APLF: variants seen among roughly 807,000 people sequenced by gnomAD.
The protein encoded by APLF is aprataxin and PNK-like factor.
In APLF, 61 loss-of-function variants were observed where a neutral mutation model predicts 55.6. That is an observed-to-expected ratio of 1.10 (90% CI 0.89 to 1.36). APLF has a LOEUF of 1.36. Ranked by LOEUF, APLF falls within the 40% of genes most tolerant of loss-of-function variation. APLF has a pLI of 0.00. For synonymous variants in APLF, 207 were observed against 214.8 expected, an observed-to-expected ratio of 0.96 and a Z score of 0.32; for missense variants, 611 against 602.5, an observed-to-expected ratio of 1.01 and a Z score of -0.15.
At chr2:68,519,674 A>G (rs1669834734) in intron 5 of APLF, among the ~76,000 whole-genome samples, 1 of 150,044 alleles carries the variant, frequency 6.7e-6, no homozygotes, top group African/African-American at 2.4e-5. Context: ...ATATATAAAT[A>G]TATGTATATA....
intron 3 of APLF, among the ~76,000 whole-genome samples, 171 bp downstream of exon 3, chr2:68,503,074 T>G (rs902793001): frequency 6.6e-6 from 1 of 152,158 alleles, no homozygotes; most frequent in Non-Finnish European, 1.5e-5. Context: ...GTGTGTTTTG[T>G]GCACATGCAT....
chr2:68,492,445 TCCAGC>T (rs1676401747), intron 2 of APLF, among the ~76,000 whole-genome samples: 1 of 152,050 alleles, frequency 6.6e-6, no homozygotes, highest in Admixed American at 6.6e-5. Flanking sequence ...GCCACTGCAC[TCCAGC>T]CTGGGCGACA....
intron 1 of APLF, among the ~76,000 whole-genome samples, chr2:68,477,711 A>G (rs2103881324): frequency 6.6e-6 from 1 of 152,326 alleles, no homozygotes; most frequent in Admixed American, 6.5e-5. Flanking sequence ...AAGAAGCTTA[A>G]TAGACTCACA....
chr2:68,479,334 A>G (rs1399959015), intron 1 of APLF, among the ~76,000 whole-genome samples: 1 of 152,234 alleles, frequency 6.6e-6, no homozygotes, highest in African/African-American at 2.4e-5. Flanking sequence ...TGCTGAAGGA[A>G]ACTGTCCAGA....
intron 1 of APLF, among the ~76,000 whole-genome samples, chr2:68,486,628 T>C (rs963876841): frequency 3.9e-5 from 6 of 152,152 alleles, no homozygotes; most frequent in Non-Finnish European, 8.8e-5. Flanking sequence ...CTCTCTTACA[T>C]GTAAGTTAAA....
intron 9 of APLF, among the ~76,000 whole-genome samples, chr2:68,574,968 G>C (rs1233763038): frequency 6.6e-6 from 1 of 152,206 alleles, no homozygotes; most frequent in African/African-American, 2.4e-5. Context: ...GCTCCCACAT[G>C]TTAAGCGCTG....
At chr2:68,537,042 GTAATCCCAGCTAC>G (rs1670411007) in intron 6 of APLF, among the ~76,000 whole-genome samples, 1 of 151,918 alleles carries the variant, frequency 6.6e-6, no homozygotes, top group Admixed American at 6.6e-5. Context: ...GCATGTGCCT[GTAATCCCAGCTAC>G]TCGGGAGCCT....
At chr2:68,574,572 G>A (rs550723015) in intron 9 of APLF, among the ~76,000 whole-genome samples, 40 of 152,292 alleles carry the variant, frequency 2.6e-4, no homozygotes, top group Middle Eastern at 3.4e-3. Flanking sequence ...TACTAGCCAC[G>A]TTGAATTCTG....
intron 1 of APLF, among the ~76,000 whole-genome samples, chr2:68,489,273 T>A (rs1676281521): frequency 6.6e-6 from 1 of 152,226 alleles, no homozygotes; most frequent in Admixed American, 6.5e-5. Context: ...TGGTATGGTC[T>A]ATTTTTTACT....
At chr2:68,469,034 G>T (rs1237341150) in intron 1 of APLF, among the ~76,000 whole-genome samples, 2 of 150,926 alleles carry the variant, frequency 1.3e-5, no homozygotes, top group African/African-American at 4.9e-5. Context: ...TGTGTTGTGT[G>T]TTGTGTACAT....
rs1386449499 is a variant in APLF, at chr2:68,545,298, A to C, written c.1272A>C (p.Gly424=). 1.9e-6 allele frequency: 3 copies of C among 1,613,466 alleles called. No homozygotes were observed. The highest frequency in any genetic ancestry group is 2.5e-6 in the Non-Finnish European group (3 of 1,179,680). ...ATGACCGGCCTGAATGTCCCTATGG[A>C]CCATCCTGTTATAGGTATAGAAACT... ...ETDDRPECPY[G]PSCYRKNPQH... The change falls in exon 8 of 10, where the codon GGA becomes GGC. Residue 424 remains glycine, a synonymous_variant. Coordinates refer to ENST00000303795, the MANE Select transcript of APLF (RefSeq NM_173545.3).
At chr2:68,544,891 A>G (rs527345248) in intron 7 of APLF, among the ~76,000 whole-genome samples, 2 of 152,310 alleles carry the variant, frequency 1.3e-5, no homozygotes, top group South Asian at 2.1e-4. Context: ...ATATGCTTAC[A>G]TACATATGTG....
chr2:68,491,957 A>T (rs1446262851), intron 2 of APLF, among the ~76,000 whole-genome samples: 1 of 152,254 alleles, frequency 6.6e-6, no homozygotes, highest in Non-Finnish European at 1.5e-5. Flanking sequence ...AACAAAATTG[A>T]CATGGCATTA....
At chr2:68,556,558 G>A (rs981718726) in intron 8 of APLF, among the ~76,000 whole-genome samples, 4 of 152,100 alleles carry the variant, frequency 2.6e-5, no homozygotes, top group African/African-American at 9.7e-5. Context: ...ATGAATAATA[G>A]GATTTTATGC....
intron 2 of APLF, among the ~76,000 whole-genome samples, chr2:68,497,088 A>T (rs1424007778): frequency 4.6e-5 from 7 of 152,282 alleles, no homozygotes; most frequent in African/African-American, 1.7e-4. Flanking sequence ...AGACTGGGTA[A>T]TTTATAAAAA....
intron 5 of APLF, among the ~76,000 whole-genome samples, chr2:68,517,737 T>A (rs1367364162): frequency 6.9e-6 from 1 of 145,288 alleles, no homozygotes; most frequent in East Asian, 2.1e-4. Context: ...ATATAACTAA[T>A]ATATCACTAA....
chr2:68,543,482 C>T (rs1670615304), intron 7 of APLF, among the ~76,000 whole-genome samples: 1 of 152,158 alleles, frequency 6.6e-6, no homozygotes, highest in African/African-American at 2.4e-5. Flanking sequence ...TGTTGAAAAA[C>T]TGGAACTCTA....
Position 68,502,716 on chromosome 2 carries a change from T to G in APLF, c.169-15T>G. On this transcript the variant is annotated splice_polypyrimidine_tract_variant and intron_variant, in intron 2 of 9. Coordinates refer to ENST00000303795, the MANE Select transcript of APLF (RefSeq NM_173545.3). ...TCTTTTTTAAATTTAATTATATTCT[T>G]TTTTAATTTGTTAGATACACACAAA... 1 of 1,378,092 alleles carries G rather than the reference T, an allele frequency of 7.3e-7. No individual in the cohort carries two copies. Among genetic ancestry groups the G allele is most frequent in the Non-Finnish European group, 9.5e-7 (1 of 1,049,294 alleles). 85.4% of individuals were successfully genotyped at this position (1,378,092 alleles called of 1,614,324 possible). A position where few individuals can be genotyped will look rare whatever the true frequency, so the allele number is the denominator to read the frequency against.
At chr2:68,528,549 C>T in intron 6 of APLF, 1 of 1,534,004 alleles carries the variant, frequency 6.5e-7, no homozygotes. Flanking sequence ...GATCCAAGAG[C>T]TGCAGGATCC....
Sources: allele counts gnomAD v4.1 joint callset (sites outside exome capture counted in the v4.1 genomes callset), GRCh38; gene constraint gnomAD v4.1.1; transcripts MANE v1.5; gene names NCBI Gene and HGNC (gene_info 2026-07-23, HGNC 2026-07-21).